MRPS27: variants seen among roughly 807,000 people sequenced by gnomAD.
The protein encoded by MRPS27 is mitochondrial ribosomal protein S27, also known as small ribosomal subunit protein mS27.
In MRPS27, 43 loss-of-function variants were observed where a neutral mutation model predicts 48.9. The observed-to-expected ratio is 0.88, with a 90% CI of 0.69 to 1.13. The LOEUF (loss-of-function observed/expected upper bound fraction) is 1.13, where lower values mean the gene tolerates loss of function less well. Among genes scored for constraint, MRPS27 ranks in the 50% most tolerant of loss-of-function variants. The probability of loss-of-function intolerance (pLI) is 0.00; values close to 1 mark genes in which losing one functional copy is unlikely to be tolerated. For missense variants in MRPS27, 467 were observed against 476.3 expected, an observed-to-expected ratio of 0.98 and a Z score of 0.18; for synonymous variants, 188 against 171.9, an observed-to-expected ratio of 1.09 and a Z score of -0.73.
At chr5:72,279,732 A>G (rs1427455392) in intron 4 of MRPS27, among the ~76,000 whole-genome samples, 2 of 152,154 alleles carry the variant, frequency 1.3e-5, no homozygotes, top group Non-Finnish European at 2.9e-5. Flanking sequence ...AAACAAAACA[A>G]AAAAATTTAT....
intron 2 of MRPS27, among the ~76,000 whole-genome samples, chr5:72,311,927 G>A (rs1207197704): frequency 1.3e-5 from 2 of 152,200 alleles, no homozygotes; most frequent in African/African-American, 4.8e-5. Flanking sequence ...GACACCAGGA[G>A]TTCAAGACCA....
chr5:72,223,645 A>C, intron 10 of MRPS27, 38 bp downstream of exon 10: 1 of 1,609,790 alleles, frequency 6.2e-7, no homozygotes, highest in Non-Finnish European at 8.5e-7. Flanking sequence ...AGTGTGTTTT[A>C]TGCGCTGCTA....
Position 72,280,683 on chromosome 5 carries a change from C to T in MRPS27, c.281+14848G>A, listed in dbSNP as rs145642978. 2.6e-5 allele frequency among the ~76,000 whole-genome samples: 4 copies of T among 152,324 alleles called. No homozygotes were observed. In the East Asian group the frequency reaches 7.7e-4, roughly 29 times the overall value. ...AAAACTAAAATCTCTGGAAGCAGTTCCACAATTTCTATTTCAATTGCTTAC... is the reference window on the plus strand; with the variant it reads ...AAAACTAAAATCTCTGGAAGCAGTTTCACAATTTCTATTTCAATTGCTTAC... On this transcript the variant is annotated intron_variant, in intron 4 of 10. Transcript: ENST00000261413.
At chr5:72,246,139 C>T (rs1291837561) in intron 4 of MRPS27, among the ~76,000 whole-genome samples, 4 of 152,184 alleles carry the variant, frequency 2.6e-5, no homozygotes, top group Non-Finnish European at 4.4e-5. Flanking sequence ...GATAATTTGG[C>T]AACAGTGACT....
At chr5:72,314,281 A>G (rs1445638845) in intron 1 of MRPS27, 123 bp from the exon 2 acceptor site, 1 of 627,744 alleles carries the variant, frequency 1.6e-6, no homozygotes, top group East Asian at 2.8e-5. Context: ...ATAATCTAAT[A>G]CAGTACAGCA....
At chr5:72,302,418 GCACGT>G (rs1370294938) in intron 2 of MRPS27, among the ~76,000 whole-genome samples, 1 of 152,166 alleles carries the variant, frequency 6.6e-6, no homozygotes, top group African/African-American at 2.4e-5. Flanking sequence ...AGCCAATCAA[GCACGT>G]CAGTTATGTT....
chr5:72,289,485 G>C (rs757797024), intron 4 of MRPS27, among the ~76,000 whole-genome samples: 1 of 151,320 alleles, frequency 6.6e-6, no homozygotes, highest in Non-Finnish European at 1.5e-5. Flanking sequence ...ACAGTGGTAT[G>C]ACCTCGGTTC....
At chr5:72,237,964 A>C in intron 5 of MRPS27, 50 bp downstream of exon 5, 1 of 1,314,996 alleles carries the variant, frequency 7.6e-7, no homozygotes, top group Non-Finnish European at 1.1e-6. Context: ...TACAAACACC[A>C]TATCACCTAA....
At chr5:72,261,161 C>T (rs1257023370) in intron 4 of MRPS27, among the ~76,000 whole-genome samples, 1 of 152,180 alleles carries the variant, frequency 6.6e-6, no homozygotes, top group Admixed American at 6.5e-5. Context: ...CTGCAACTGG[C>T]CAATCACTAC....
chr5:72,234,871 T>C (rs934739243), intron 5 of MRPS27, among the ~76,000 whole-genome samples: 2 of 152,160 alleles, frequency 1.3e-5, no homozygotes, highest in Non-Finnish European at 2.9e-5. Flanking sequence ...GTGATTTTCA[T>C]GCATACTCAT....
At chr5:72,224,412 T>C (rs553730928) in intron 9 of MRPS27, among the ~76,000 whole-genome samples, 2 of 152,286 alleles carry the variant, frequency 1.3e-5, no homozygotes, top group East Asian at 3.9e-4. Flanking sequence ...TTTGTATAAG[T>C]GAATCCGCAC....
intron 4 of MRPS27, among the ~76,000 whole-genome samples, chr5:72,289,081 C>T (rs73761752): frequency 0.063 from 9,641 of 152,264 alleles, 548 homozygotes; most frequent in African/African-American, 0.15. Context: ...GACCTGGAGA[C>T]ATGCAGGCTG....
At chr5:72,284,462 C>G (rs1749617346) in intron 4 of MRPS27, among the ~76,000 whole-genome samples, 1 of 149,586 alleles carries the variant, frequency 6.7e-6, no homozygotes, top group Non-Finnish European at 1.5e-5. Context: ...TAATTTCCTT[C>G]TGTGTGTGTG....
intron 8 of MRPS27, 85 bp from the exon 9 acceptor site, chr5:72,226,284 G>T: frequency 2.0e-6 from 3 of 1,504,116 alleles, no homozygotes; most frequent in Non-Finnish European, 2.8e-6. Flanking sequence ...CCAAGTGAAT[G>T]TTCACCTGGC....
At chr5:72,241,534 GAGA>G (rs1325585371) in intron 4 of MRPS27, 6 of 1,071,124 alleles carry the variant, frequency 5.6e-6, no homozygotes, top group African/African-American at 4.7e-5. Context: ...TGGCAAGTTT[GAGA>G]AGAATTCCTG....
intron 4 of MRPS27, among the ~76,000 whole-genome samples, chr5:72,257,942 G>C (rs1748853740): frequency 6.6e-6 from 1 of 152,040 alleles, no homozygotes; most frequent in Non-Finnish European, 1.5e-5. Context: ...AAATTGGCCG[G>C]GTGTGGTGGC....
intron 4 of MRPS27, among the ~76,000 whole-genome samples, chr5:72,280,078 A>G (rs1243483772): frequency 1.3e-5 from 2 of 152,124 alleles, no homozygotes; most frequent in Non-Finnish European, 2.9e-5. Context: ...CCACTAGTCT[A>G]TTTGTCTACA....
chr5:72,320,167 G>T lies in MRPS27; in HGVS notation c.55C>A (p.Pro19Thr). The T allele has an allele frequency of 1.2e-6, 2 of 1,613,968 alleles. No homozygotes were observed. Among genetic ancestry groups the T allele is most frequent in the South Asian group, 1.1e-5 (1 of 91,082 alleles). Residue 19 changes from proline to threonine, a missense_variant, in exon 1 of 11, where the codon CCT becomes ACT. Pro to Thr is a conservative substitution (Grantham distance 38). Coordinates refer to ENST00000261413, the MANE Select transcript of MRPS27 (RefSeq NM_015084.3). Reference sequence around the variant, plus strand: ...GGCCAACCTGCAGGAGAGAGCTGAGGAAGAACCACTTGCCGCGCCAGGAGC... The same window carrying T: ...GGCCAACCTGCAGGAGAGAGCTGAGTAAGAACCACTTGCCGCGCCAGGAGC... ...GMLLARQVVLPQLSPAGKRYL... is the reference protein window; with the variant it reads ...GMLLARQVVLTQLSPAGKRYL...
chr5:72,237,941 G>T, intron 5 of MRPS27, 73 bp downstream of exon 5: 1 of 1,045,288 alleles, frequency 9.6e-7, no homozygotes, highest in Non-Finnish European at 1.5e-6. Flanking sequence ...ATTCTTTGCT[G>T]TACTACAATA....
Sources: allele counts gnomAD v4.1 joint callset (sites outside exome capture counted in the v4.1 genomes callset), GRCh38; gene constraint gnomAD v4.1.1; transcripts MANE v1.5; gene names NCBI Gene and HGNC (gene_info 2026-07-23, HGNC 2026-07-21).